Variants in HTR3E observed in about 807,000 individuals in gnomAD.
The protein encoded by HTR3E is 5-hydroxytryptamine receptor 3E, also known as 5-hydroxytryptamine (serotonin) receptor 3, family member E.
A neutral mutation model predicts 38.0 loss-of-function variants in HTR3E; 38 were observed. That is an observed-to-expected ratio of 1.00 (90% CI 0.77 to 1.31). The LOEUF is 1.31. Ranked by LOEUF, HTR3E falls within the 50% of genes most tolerant of loss-of-function variation. The pLI, the probability that HTR3E is intolerant of heterozygous loss-of-function variation, is 0.00. For synonymous variants in HTR3E, 210 were observed against 232.9 expected, an observed-to-expected ratio of 0.90 and a Z score of 0.89; for missense variants, 547 against 585.2, an observed-to-expected ratio of 0.93 and a Z score of 0.67.
intron 3 of HTR3E, among the ~76,000 whole-genome samples, chr3:184,102,553 C>G (rs1183586174): frequency 6.6e-6 from 1 of 151,018 alleles, no homozygotes; most frequent in Non-Finnish European, 1.5e-5. Context: ...ATGGGTGCAG[C>G]ACACCAATAT....
chr3:184,103,012 T>A (rs1258826039), intron 3 of HTR3E, among the ~76,000 whole-genome samples: 3 of 151,836 alleles, frequency 2.0e-5, no homozygotes, highest in Non-Finnish European at 4.4e-5. Flanking sequence ...AATAAAGCAA[T>A]TAAGTAGAAA....
At position 184,100,629 on chromosome 3, in the gene HTR3E, C is replaced by T. The variant is rs762903193; in HGVS notation, c.212C>T (p.Ala71Val). Residue 71 changes from alanine (A) to valine (V), a missense_variant, in exon 2 of 9, where the codon GCG (alanine) becomes GTG (valine). By Grantham distance (64) the Ala-to-Val change is moderately conservative. Coordinates refer to ENST00000415389, the MANE Select transcript of HTR3E (RefSeq NM_001256613.2). ...CCCACCCAAGTCAACATCTCCTTCGCGATGTCTGCCATCCTAGATGTGGTG... is the reference window on the plus strand; with the variant it reads ...CCCACCCAAGTCAACATCTCCTTCGTGATGTCTGCCATCCTAGATGTGGTG... The part of the protein sequence containing the change: ...SVPTQVNISF[A>V]MSAILDVNEQ... The T allele has an allele frequency of 5.8e-5, 94 of 1,613,862 alleles. 1 individual carries two copies. The highest frequency in any genetic ancestry group is 3.3e-4 in the Middle Eastern group (2 of 6,084).
At chr3:184,105,058 G>T in intron 5 of HTR3E, 102 bp downstream of exon 5, 3 of 1,263,250 alleles carry the variant, frequency 2.4e-6, no homozygotes, top group Non-Finnish European at 3.3e-6. Context: ...GTGGGGAGAA[G>T]AATAAGGCTC....
At chr3:184,104,762 G>T in intron 4 of HTR3E, 25 bp from the exon 5 acceptor site, 1 of 1,523,082 alleles carries the variant, frequency 6.6e-7, no homozygotes, top group Non-Finnish European at 8.9e-7. Flanking sequence ...TGCAGCACCT[G>T]CCTCTTGCGT....
At chr3:184,100,295 G>A (rs1711945662) in intron 1 of HTR3E, 190 bp from the exon 2 acceptor site, 1 of 1,433,342 alleles carries the variant, frequency 7.0e-7, no homozygotes, top group Admixed American at 1.8e-5. Flanking sequence ...TACCTGATAG[G>A]GGATTGGGAG....
At position 184,106,337 on chromosome 3, in the gene HTR3E, C is replaced by T. The variant is rs1267644376; in HGVS notation, c.1135C>T (p.Leu379=). Residue 379 remains leucine (L), a synonymous_variant, in exon 8 of 9, where the codon CTG becomes TTG. Coordinates refer to ENST00000415389, the MANE Select transcript of HTR3E (RefSeq NM_001256613.2). This position sits in a 1 kb window ranked among gnomAD's most constrained non-coding sequence, Gnocchi z 4.1. ...GGGCCCGGGTCTCACCCCCACCCACCTGCCCGGTGAGGGAAGTCACATTCC... is the reference window on the plus strand; with the variant it reads ...GGGCCCGGGTCTCACCCCCACCCACTTGCCCGGTGAGGGAAGTCACATTCC... ...NKGPGLTPTH[L]PGVKEPEVSA... 16 of 1,609,778 alleles carry T rather than the reference C, an allele frequency of 9.9e-6. No individual in the cohort carries two copies. The highest frequency in any genetic ancestry group is 1.3e-5 in the Non-Finnish European group (15 of 1,178,094).
intron 1 of HTR3E, 48 bp downstream of exon 1, chr3:184,097,644 C>G: frequency 7.1e-7 from 1 of 1,413,332 alleles, no homozygotes. Flanking sequence ...GAGGACCTCT[C>G]TCTAGTAGAA....
At chr3:184,099,401 A>C (rs956730707) in intron 1 of HTR3E, among the ~76,000 whole-genome samples, 4 of 151,930 alleles carry the variant, frequency 2.6e-5, no homozygotes, top group African/African-American at 4.8e-5. Context: ...AAAAACCCCC[A>C]AAAACCCCAA....
rs117379441 is a variant in HTR3E, at chr3:184,103,118, G to T, written c.280-1064G>T. On this transcript the variant is annotated intron_variant, in intron 3 of 8. Coordinates refer to ENST00000415389, the MANE Select transcript of HTR3E (RefSeq NM_001256613.2). ...GGAAAATTTATATCTTAATTGCATT[G>T]ATAAGAAAACAAGGTGTGTGGGAGG... 2.5e-4 allele frequency among the ~76,000 whole-genome samples: 38 copies of T among 152,256 alleles called. No individual in the cohort carries two copies. In the East Asian group the frequency reaches 6.7e-3, roughly 27 times the overall value.
In HTR3E at chr3:184,105,932, G is replaced by T; in HGVS notation, c.888G>T (p.Met296Ile). The change falls in exon 7 of 9, where the codon ATG becomes ATT. Residue 296 changes from methionine to isoleucine, a missense_variant. Met to Ile is a conservative substitution (Grantham distance 10). Transcript: ENST00000415389. The part of the protein sequence containing the change: ...LLGYNVFLLM[M>I]SDLLPTSGTP... ...GCTACAACGTCTTCCTGCTCATGATGAGTGACTTGCTCCCCACCAGTGGCA... is the reference window on the plus strand; with the variant it reads ...GCTACAACGTCTTCCTGCTCATGATTAGTGACTTGCTCCCCACCAGTGGCA... 1.2e-6 allele frequency: 2 copies of T among 1,614,170 alleles called. No individual in the cohort carries two copies. Among genetic ancestry groups the T allele is most frequent in the Non-Finnish European group, 1.7e-6 (2 of 1,180,028 alleles).
chr3:184,103,469 A>T (rs1712189516), intron 3 of HTR3E, among the ~76,000 whole-genome samples: 1 of 152,076 alleles, frequency 6.6e-6, no homozygotes, highest in Non-Finnish European at 1.5e-5. Flanking sequence ...CTCTACTAAA[A>T]ATACAAAAAA....
intron 5 of HTR3E, 118 bp from the exon 6 acceptor site, chr3:184,105,149 C>T (rs1577013468): frequency 1.6e-6 from 2 of 1,269,290 alleles, no homozygotes; most frequent in Non-Finnish European, 2.2e-6. Flanking sequence ...TGGCAAGTTT[C>T]CTGGCATGTG....
At position 184,105,345 on chromosome 3, in the gene HTR3E, G is replaced by A. The variant is rs1484797482; in HGVS notation, c.638G>A (p.Gly213Glu). The change falls in exon 6 of 9, where the codon GGA becomes GAA. Residue 213 changes from glycine (G) to glutamate (E), a missense_variant. By Grantham distance (98) the Gly-to-Glu change is moderately conservative. Coordinates refer to ENST00000415389, the MANE Select transcript of HTR3E (RefSeq NM_001256613.2). ...TCCCGGAACATCCTTCAGACCCATG[G>A]AGAATGGGAGCTCCTGGGCCTCAGC... is the stretch of plus-strand genomic sequence containing the variant. ...DASRNILQTH[G>E]EWELLGLSKA... 6.2e-7 allele frequency: 1 copy of A among 1,614,124 alleles called. No individual in the cohort carries two copies. The highest frequency in any genetic ancestry group is 8.5e-7 in the Non-Finnish European group (1 of 1,179,980).
intron 3 of HTR3E, among the ~76,000 whole-genome samples, chr3:184,101,863 G>A (rs900189483): frequency 1.3e-5 from 2 of 152,154 alleles, no homozygotes; most frequent in African/African-American, 4.8e-5. Flanking sequence ...GGTGGCGGGC[G>A]CCTGTAATCC....
chr3:184,100,491 G>T lies in HTR3E; in HGVS notation c.74G>T (p.Gly25Val), dbSNP rs373692338. Residue 25 changes from glycine (G) to valine (V), a missense_variant, in exon 2 of 9, where the codon GGC becomes GTC. Physicochemically the swap from Gly to Val is moderately radical, Grantham distance 109 (BLOSUM62 -3). Transcript: ENST00000415389. ...LLLGFLLQGR[G>V]VTFTINCSGF... ...CATTCGATGTCCACTACAGGAAGGG[G>T]CGTTACTTTCACCATCAATTGCTCA... 11 of 1,614,170 alleles carry T rather than the reference G, an allele frequency of 6.8e-6. No homozygotes were observed. In the East Asian group the frequency reaches 1.8e-4, roughly 26 times the overall value.
intron 2 of HTR3E, 116 bp from the exon 3 acceptor site, chr3:184,101,369 T>C: frequency 3.4e-6 from 3 of 885,666 alleles, no homozygotes; most frequent in Non-Finnish European, 5.8e-6. Flanking sequence ...GCTTTTGTTC[T>C]GGATCACATA....
intron 3 of HTR3E, among the ~76,000 whole-genome samples, chr3:184,103,743 G>A (rs569120458): frequency 2.6e-5 from 4 of 151,320 alleles, no homozygotes; most frequent in Non-Finnish European, 5.9e-5. Flanking sequence ...GTTGCAGTGA[G>A]CCGAGATCAC....
chr3:184,104,950 T>C lies in HTR3E; in HGVS notation c.553T>C (p.Tyr185His), dbSNP rs1712331223. 1 of 1,612,260 alleles carries C rather than the reference T, an allele frequency of 6.2e-7. No individual in the cohort carries two copies. Among genetic ancestry groups the C allele is most frequent in the South Asian group, 1.1e-5 (1 of 90,600 alleles). Reference protein sequence around the residue: ...NCTLTFSSFLYTVDSMLLDME... With the variant: ...NCTLTFSSFLHTVDSMLLDME... ...CACACTCACCTTCAGCTCATTCCTC[T>C]ACACAGGTAAGTTGCAGTGAGGTCT... The change falls in exon 5 of 9, where the codon TAC becomes CAC. Residue 185 changes from tyrosine to histidine, a missense_variant. Physicochemically the swap from Tyr to His is moderately conservative, Grantham distance 83 (BLOSUM62 2). Coordinates refer to ENST00000415389, the MANE Select transcript of HTR3E (RefSeq NM_001256613.2).
Position 184,099,944 on chromosome 3 carries a change from T to G in HTR3E, c.68-541T>G, listed in dbSNP as rs547848096. 4.6e-5 allele frequency among the ~76,000 whole-genome samples: 7 copies of G among 152,154 alleles called. No individual in the cohort carries two copies. In the East Asian group the frequency reaches 1.2e-3, roughly 25 times the overall value. ...TGACTATCAACATTCCAGGCACAGTTTGCATATAGATTTGGGCATGCTTTG... is the reference window on the plus strand; with the variant it reads ...TGACTATCAACATTCCAGGCACAGTGTGCATATAGATTTGGGCATGCTTTG... On this transcript the variant is annotated intron_variant, in intron 1 of 8. Coordinates refer to ENST00000415389, the MANE Select transcript of HTR3E (RefSeq NM_001256613.2).
Sources: gnomAD v4.1 joint callset for allele counts (sites outside exome capture counted in the v4.1 genomes callset) on GRCh38, gnomAD v4.1.1 for gene constraint, Gnocchi (gnomAD v3.1) non-coding constraint, MANE v1.5 for transcripts, NCBI Gene and HGNC (gene_info 2026-07-23, HGNC 2026-07-21) for gene names.